The following DLGAP2 variants were observed in gnomAD, a reference collection of about 807,000 sequenced individuals.
DLGAP2 encodes the protein DLG associated protein 2.
DLGAP2 carries 26 observed loss-of-function variants against 100.3 expected under a neutral mutation model. That is an observed-to-expected ratio of 0.26 (90% CI 0.19 to 0.36). The LOEUF (loss-of-function observed/expected upper bound fraction) is 0.36. DLGAP2 is among the 10% of genes least tolerant of loss of function. DLGAP2 has a pLI of 1.00. For missense variants in DLGAP2, 1,858 were observed against 1,453.2 expected (o/e 1.28, Z -4.53); for synonymous variants, 886 against 630.1 (o/e 1.41, Z -6.08).
At chr8:827,814 CG>C (rs1009912292) in intron 1 of DLGAP2, among the ~76,000 whole-genome samples, 23 of 152,256 alleles carry the variant, frequency 1.5e-4, no homozygotes, top group African/African-American at 4.8e-4. Context: ...CATTTATTAT[CG>C]GGGGACCTGC....
At chr8:841,249 C>T (rs1388159120) in intron 1 of DLGAP2, among the ~76,000 whole-genome samples, 3 of 152,100 alleles carry the variant, frequency 2.0e-5, no homozygotes, top group Non-Finnish European at 2.9e-5. Flanking sequence ...TTCATTAAAA[C>T]GGTTATGATG....
rs764037054 is a variant in DLGAP2, at chr8:1,632,869, G to GAGTCCGTCTTCA, written c.1634_1645dup (p.Phe548_Ser549insLysSerValPhe). On this transcript the variant is annotated inframe_insertion, in exon 8 of 15. Transcript: ENST00000637795. ...CAATGGGCAATTCGAGTCCGTGTGC[G>GAGTCCGTCTTCA]AGTCCGTCTTCAGTGAAGTTGAATC... is the stretch of plus-strand genomic sequence containing the variant. 3 of 1,613,782 alleles carry GAGTCCGTCTTCA rather than the reference G, an allele frequency of 1.9e-6. No individual in the cohort carries two copies. The South Asian group carries it at 3.3e-5, about 18-fold the overall frequency.
chr8:1,085,964 T>C (rs532191017), intron 2 of DLGAP2, among the ~76,000 whole-genome samples: 2 of 152,328 alleles, frequency 1.3e-5, no homozygotes, highest in Admixed American at 1.3e-4. Context: ...TTTTTAGTTA[T>C]GGTTCTTTTA....
In DLGAP2 at chr8:1,141,502, C is replaced by A. The variant is rs1180448496; in HGVS notation, c.74-117349C>A. Among the ~76,000 whole-genome samples the A allele has an allele frequency of 2.0e-5, 3 of 152,100 alleles. No individual in the cohort carries two copies. The South Asian group carries it at 6.2e-4, about 32-fold the overall frequency. ...ATTATTAAAAAAAGAAAAATGTAAT[C>A]CAGAATGTTGGTGTTGTGGTCAAAT... On this transcript the variant is annotated intron_variant, in intron 2 of 14. Transcript: ENST00000637795.
In DLGAP2 at chr8:752,664, A is replaced by T. The variant is rs568046230; in HGVS notation, c.18+14839A>T. Among the ~76,000 whole-genome samples the T allele has an allele frequency of 3.6e-3, 554 of 152,280 alleles. 1 individual carries two copies. The highest frequency in any genetic ancestry group is 0.013 in the African/African-American group (529 of 41,550). ...ATGAAGGCTTAAATTCCCTCCTGAA[A>T]TTTATAAACGGGGAGATGCCATGGC... On this transcript the variant is annotated intron_variant, in intron 1 of 14. Coordinates refer to ENST00000637795, the MANE Select transcript of DLGAP2 (RefSeq NM_001346810.2).
In DLGAP2 at chr8:1,508,692, A is replaced by G. The variant is rs539816549; in HGVS notation, c.172+7261A>G. On this transcript the variant is annotated intron_variant, in intron 4 of 14. Transcript: ENST00000637795. ...CGTGGCGGGGGAGTTGGAAGGAAAA[A>G]TGGAATCCACAACTGCTGCGCACAG... is the stretch of plus-strand genomic sequence containing the variant. 2.0e-5 allele frequency among the ~76,000 whole-genome samples: 3 copies of G among 149,808 alleles called. No individual in the cohort carries two copies. The East Asian group carries it at 6.2e-4, about 31-fold the overall frequency.
chr8:952,723 C>G (rs1387088395), intron 2 of DLGAP2, among the ~76,000 whole-genome samples: 10 of 152,132 alleles, frequency 6.6e-5, no homozygotes, highest in Non-Finnish European at 1.5e-5. Flanking sequence ...CTATTGTCCA[C>G]AAAACACCTT....
intron 3 of DLGAP2, among the ~76,000 whole-genome samples, chr8:1,467,682 C>T (rs916683243): frequency 5.9e-5 from 9 of 152,212 alleles, no homozygotes; most frequent in Admixed American, 2.0e-4. Flanking sequence ...CACAGAACCA[C>T]GGCAACGTCC....
chr8:990,011 C>A (rs1196686131), intron 2 of DLGAP2, among the ~76,000 whole-genome samples: 2 of 152,106 alleles, frequency 1.3e-5, no homozygotes, highest in Non-Finnish European at 1.5e-5. Flanking sequence ...CCGCTCCCAG[C>A]CAACCTCCTG....
At chr8:1,683,150 A>G (rs1799002082) in intron 12 of DLGAP2, among the ~76,000 whole-genome samples, 1 of 151,688 alleles carries the variant, frequency 6.6e-6, no homozygotes, top group Non-Finnish European at 1.5e-5. Flanking sequence ...GTTGAGTGTC[A>G]TAAGAGAAGT....
Position 1,019,926 on chromosome 8 carries a change from G to A in DLGAP2, c.73+111960G>A, listed in dbSNP as rs1464483396. On this transcript the variant is annotated intron_variant, in intron 2 of 14. Coordinates refer to ENST00000637795, the MANE Select transcript of DLGAP2 (RefSeq NM_001346810.2). ...CTGTGTGTGTGTGAATGCAGGGCGT[G>A]GGGAGGGACAAAAGTTGTTTCCCCA... 3.9e-5 allele frequency among the ~76,000 whole-genome samples: 6 copies of A among 152,132 alleles called. 1 individual carries two copies. Among genetic ancestry groups the A allele is most frequent in the Non-Finnish European group, 5.9e-5 (4 of 68,030 alleles).
chr8:1,516,384 T>A (rs970469615), intron 4 of DLGAP2, among the ~76,000 whole-genome samples: 2 of 151,280 alleles, frequency 1.3e-5, no homozygotes, highest in African/African-American at 4.9e-5. Context: ...AGTGAGTGAC[T>A]GAGTGAATGA....
At chr8:1,359,997 G>T in intron 3 of DLGAP2, among the ~76,000 whole-genome samples, 1 of 152,148 alleles carries the variant, frequency 6.6e-6, no homozygotes, top group Non-Finnish European at 1.5e-5. Flanking sequence ...CAGCATCGCC[G>T]GTGTTTCAGC....
chr8:867,656 G>A (rs530576830), intron 1 of DLGAP2, among the ~76,000 whole-genome samples: 5 of 152,226 alleles, frequency 3.3e-5, no homozygotes, highest in Admixed American at 6.5e-5. Flanking sequence ...TGGCTCGGGT[G>A]TAGCCTCATG....
At chr8:1,142,622 G>T (rs1227598320) in intron 2 of DLGAP2, among the ~76,000 whole-genome samples, 1 of 152,358 alleles carries the variant, frequency 6.6e-6, no homozygotes, top group Middle Eastern at 3.4e-3. Context: ...GGAGTCACAG[G>T]GTTTTGGGAA....
In DLGAP2 at chr8:1,549,337, G is replaced by T; in HGVS notation, c.884G>T (p.Ser295Ile). Residue 295 changes from serine to isoleucine, a missense_variant, in exon 5 of 15, where the codon AGC becomes ATC. Coordinates refer to ENST00000637795, the MANE Select transcript of DLGAP2 (RefSeq NM_001346810.2). The stretch of plus-strand genomic sequence containing the variant: ...GGCAAGCCCCGGCCCGGCATGAGCA[G>T]CTGGTGGAGCTCGGACGACAACCTG... ...PEGKPRPGMS[S>I]WWSSDDNLDS... is the part of the protein sequence containing the mutation. The T allele has an allele frequency of 6.2e-7, 1 of 1,613,324 alleles. No homozygotes were observed. The highest frequency in any genetic ancestry group is 8.5e-7 in the Non-Finnish European group (1 of 1,179,746).
At chr8:1,245,805 A>G (rs1008717394) in intron 2 of DLGAP2, among the ~76,000 whole-genome samples, 10 of 152,188 alleles carry the variant, frequency 6.6e-5, no homozygotes, top group African/African-American at 2.4e-4. Context: ...CAGGAAAAAA[A>G]GGGCAGAGGC....
intron 2 of DLGAP2, among the ~76,000 whole-genome samples, chr8:1,241,805 C>T (rs1336272913): frequency 6.6e-6 from 1 of 151,430 alleles, no homozygotes; most frequent in Non-Finnish European, 1.5e-5. Flanking sequence ...TTTTAAAGTT[C>T]AGCGGCAGGA....
chr8:1,420,522 C>T (rs755230586), intron 3 of DLGAP2, among the ~76,000 whole-genome samples: 1 of 152,200 alleles, frequency 6.6e-6, no homozygotes, highest in Admixed American at 6.5e-5. Context: ...ATGCATGTCA[C>T]TATCCTACTA....
Sources: gnomAD v4.1 joint callset for allele counts (sites outside exome capture counted in the v4.1 genomes callset) on GRCh38, gnomAD v4.1.1 for gene constraint, MANE v1.5 for transcripts, NCBI Gene and HGNC (gene_info 2026-07-23, HGNC 2026-07-21) for gene names.